Variants in C8orf34 observed in about 807,000 individuals in gnomAD.
The protein encoded by C8orf34 is chromosome 8 open reading frame 34.
C8orf34 carries 65 observed loss-of-function variants against 68.3 expected under a neutral mutation model. The ratio of observed to expected loss-of-function variants is 0.95; its 90% CI spans 0.78 to 1.17. The LOEUF (loss-of-function observed/expected upper bound fraction) is 1.17, where lower values mean the gene tolerates loss of function less well. C8orf34 is among the 50% of genes most tolerant of loss of function. C8orf34 has a pLI of 0.00. For missense variants in C8orf34, 664 were observed against 655.4 expected (o/e 1.01, Z -0.14); for synonymous variants, 244 against 241.2 (o/e 1.01, Z -0.11).
chr8:68,380,229 T>C (rs1267502633), intron 1 of C8orf34, among the ~76,000 whole-genome samples: 2 of 152,198 alleles, frequency 1.3e-5, no homozygotes, highest in Non-Finnish European at 2.9e-5. Flanking sequence ...CCATTAAGAC[T>C]CTAAATATGG....
At chr8:68,358,612 C>A (rs1806847490) in intron 1 of C8orf34, among the ~76,000 whole-genome samples, 1 of 151,894 alleles carries the variant, frequency 6.6e-6, no homozygotes, top group African/African-American at 2.4e-5. Context: ...TCTGACACAT[C>A]TTCATCATGG....
chr8:68,439,368 TA>T, intron 1 of C8orf34, 130 bp from the exon 2 acceptor site: 1 of 704,788 alleles, frequency 1.4e-6, no homozygotes, highest in Non-Finnish European at 2.2e-6. Flanking sequence ...AAGATTGTTA[TA>T]AGCATGGAGT....
At chr8:68,663,213 T>G (rs1321449787) in intron 8 of C8orf34, among the ~76,000 whole-genome samples, 2 of 152,210 alleles carry the variant, frequency 1.3e-5, no homozygotes, top group African/African-American at 4.8e-5. Context: ...CATCCTTATT[T>G]TTTTGTTTGT....
chr8:68,465,390 T>C (rs1452663710), intron 3 of C8orf34, among the ~76,000 whole-genome samples: 5 of 149,196 alleles, frequency 3.4e-5, no homozygotes, highest in Non-Finnish European at 5.9e-5. Context: ...GAAGTCAGTG[T>C]GGCGATTCCT....
intron 1 of C8orf34, among the ~76,000 whole-genome samples, chr8:68,425,122 G>T (rs940227072): frequency 6.6e-6 from 1 of 152,010 alleles, no homozygotes; most frequent in Non-Finnish European, 1.5e-5. Flanking sequence ...TCAAAATAGA[G>T]GGGAACTTCC....
chr8:68,664,658 A>C (rs1381078494), intron 8 of C8orf34, among the ~76,000 whole-genome samples: 1 of 152,172 alleles, frequency 6.6e-6, no homozygotes, highest in African/African-American at 2.4e-5. Flanking sequence ...ACTGAGGAAC[A>C]TCTGTAATCT....
At chr8:68,792,889 G>T (rs1824051751) in intron 12 of C8orf34, among the ~76,000 whole-genome samples, 1 of 151,868 alleles carries the variant, frequency 6.6e-6, no homozygotes. Flanking sequence ...GTGTGTGTGT[G>T]TATGTGTGTA....
chr8:68,656,127 T>C (rs893131524), intron 8 of C8orf34, among the ~76,000 whole-genome samples: 11 of 152,194 alleles, frequency 7.2e-5, no homozygotes, highest in Non-Finnish European at 1.3e-4. Context: ...AATCAGGTAT[T>C]GCATATGAGA....
chr8:68,692,983 TAG>T, intron 8 of C8orf34, among the ~76,000 whole-genome samples: 1 of 152,196 alleles, frequency 6.6e-6, no homozygotes, highest in East Asian at 1.9e-4. Flanking sequence ...GGCAGAAACC[TAG>T]AGAGAGACTT....
intron 7 of C8orf34, among the ~76,000 whole-genome samples, chr8:68,617,099 T>C (rs1192226784): frequency 3.9e-5 from 6 of 152,198 alleles, no homozygotes; most frequent in African/African-American, 1.4e-4. Context: ...TATCAGAGAC[T>C]AGGATTGCAA....
chr8:68,588,936 T>C (rs552212332), intron 7 of C8orf34, among the ~76,000 whole-genome samples: 158 of 152,124 alleles, frequency 1.0e-3, no homozygotes, highest in Non-Finnish European at 1.8e-3. Flanking sequence ...TTACTATCGT[T>C]CAGAGTAGCC....
At chr8:68,610,870 T>G (rs999825466) in intron 7 of C8orf34, among the ~76,000 whole-genome samples, 3 of 149,682 alleles carry the variant, frequency 2.0e-5, no homozygotes. Context: ...GGTTTTTTTT[T>G]TTTTTTTTTT....
chr8:68,376,677 A>T, intron 1 of C8orf34, among the ~76,000 whole-genome samples: 1 of 151,726 alleles, frequency 6.6e-6, no homozygotes, highest in East Asian at 1.9e-4. Context: ...ATTTAAACTT[A>T]ATAGATCAAA....
intron 12 of C8orf34, among the ~76,000 whole-genome samples, chr8:68,789,564 T>C (rs1488641506): frequency 1.3e-5 from 2 of 152,198 alleles, no homozygotes; most frequent in African/African-American, 4.8e-5. Flanking sequence ...GCTTATATTT[T>C]TACAATATTT....
At chr8:68,577,051 C>A (rs1816925372) in intron 7 of C8orf34, among the ~76,000 whole-genome samples, 1 of 151,980 alleles carries the variant, frequency 6.6e-6, no homozygotes, top group African/African-American at 2.4e-5. Flanking sequence ...TACTCCTCCT[C>A]AAAGTGTGCT....
chr8:68,644,895 T>G (rs1185596797), intron 8 of C8orf34, among the ~76,000 whole-genome samples: 2 of 152,186 alleles, frequency 1.3e-5, no homozygotes, highest in Non-Finnish European at 2.9e-5. Flanking sequence ...TGGGCATCTG[T>G]ATTTTGTGGG....
chr8:68,534,331 T>C, intron 7 of C8orf34: 2 of 985,388 alleles, frequency 2.0e-6, no homozygotes, highest in Non-Finnish European at 2.4e-6. Flanking sequence ...ACGTGCCCTA[T>C]GTGGCAGTGG....
intron 8 of C8orf34, among the ~76,000 whole-genome samples, chr8:68,686,413 A>G (rs986548832): frequency 5.9e-5 from 9 of 152,170 alleles, no homozygotes; most frequent in African/African-American, 1.9e-4. Flanking sequence ...ATCCAAGAGC[A>G]CATAAAAAAG....
intron 7 of C8orf34, among the ~76,000 whole-genome samples, chr8:68,595,368 G>A (rs1324926336): frequency 6.6e-6 from 1 of 151,992 alleles, no homozygotes. Context: ...CATTAAGGCA[G>A]TGATGAATAA....
Sources: gnomAD v4.1 joint callset for allele counts (sites outside exome capture counted in the v4.1 genomes callset) on GRCh38, gnomAD v4.1.1 for gene constraint, MANE v1.5 for transcripts, NCBI Gene and HGNC (gene_info 2026-07-23, HGNC 2026-07-21) for gene names.